The following CDC73 variants were observed in gnomAD, a reference collection of about 807,000 sequenced individuals.
The protein encoded by CDC73 is parafibromin.
CDC73 carries 21 observed loss-of-function variants against 83.7 expected under a neutral mutation model. The observed-to-expected ratio is 0.25, with a 90% CI of 0.18 to 0.36. CDC73 has a LOEUF of 0.36. Ranked by LOEUF, CDC73 falls within the 10% of genes least tolerant of loss-of-function variation. CDC73 has a pLI of 1.00. For missense variants in CDC73, 342 were observed against 653.3 expected (o/e 0.52, Z 5.19); for synonymous variants, 224 against 212.9 (o/e 1.05, Z -0.45).
chr1:193,181,744 G>A, intron 10 of CDC73: 1 of 555,158 alleles, frequency 1.8e-6, no homozygotes, highest in South Asian at 3.1e-5. Flanking sequence ...GTACTAATAT[G>A]ATCAGGGCAA....
At chr1:193,195,885 T>G (rs1489685114) in intron 10 of CDC73, among the ~76,000 whole-genome samples, 1 of 152,206 alleles carries the variant, frequency 6.6e-6, no homozygotes, top group Non-Finnish European at 1.5e-5. Flanking sequence ...GCAGGAGTTC[T>G]TTATATAGTC....
chr1:193,204,190 C>CAT (rs1159374744), intron 11 of CDC73, among the ~76,000 whole-genome samples: 28 of 123,328 alleles, frequency 2.3e-4, no homozygotes, highest in East Asian at 6.3e-4. Context: ...TATACACACA[C>CAT]ACACATATAT....
chr1:193,224,658 C>T (rs79610175), intron 13 of CDC73, among the ~76,000 whole-genome samples: 165 of 152,096 alleles, frequency 1.1e-3, no homozygotes, highest in Non-Finnish European at 2.0e-3. Flanking sequence ...TTCGCATATA[C>T]ACATATATGA....
intron 10 of CDC73, 60 bp downstream of exon 10, chr1:193,152,504 G>T (rs1676131815): frequency 9.4e-7 from 1 of 1,058,934 alleles, no homozygotes; most frequent in Admixed American, 1.7e-5. Flanking sequence ...AGTAGCACAT[G>T]TTGAAGTAAA....
intron 14 of CDC73, among the ~76,000 whole-genome samples, chr1:193,235,111 AC>A (rs1677734396): frequency 6.6e-6 from 1 of 152,030 alleles, no homozygotes; most frequent in South Asian, 2.1e-4. Flanking sequence ...CATTCCTAAG[AC>A]CCTTTCACAG....
chr1:193,243,168 C>G (rs1204383777), intron 15 of CDC73, among the ~76,000 whole-genome samples: 1 of 152,108 alleles, frequency 6.6e-6, no homozygotes, highest in Non-Finnish European at 1.5e-5. Context: ...TCTCAAACTC[C>G]TGACCTCAGG....
intron 1 of CDC73, among the ~76,000 whole-genome samples, chr1:193,124,464 G>A (rs1257138270): frequency 6.6e-6 from 1 of 152,138 alleles, no homozygotes; most frequent in Non-Finnish European, 1.5e-5. Flanking sequence ...ATATTCAGAT[G>A]GATTCAAAGA....
In CDC73 at chr1:193,185,464, C is replaced by T. The variant is rs944770410; in HGVS notation, c.973-18331C>T. Among the ~76,000 whole-genome samples the T allele has an allele frequency of 2.6e-5, 4 of 151,794 alleles. No individual in the cohort carries two copies. The East Asian group carries it at 7.7e-4, about 29-fold the overall frequency. Reference sequence around the variant, plus strand: ...GTAATATTTAAAATTTGTTGATACTCTCTTTGGTTGTGTTCATTATCTTCA... The same window carrying T: ...GTAATATTTAAAATTTGTTGATACTTTCTTTGGTTGTGTTCATTATCTTCA... On this transcript the variant is annotated intron_variant, in intron 10 of 16. Transcript: ENST00000367435.
intron 13 of CDC73, among the ~76,000 whole-genome samples, chr1:193,232,645 G>A (rs1677680424): frequency 6.6e-6 from 1 of 152,184 alleles, no homozygotes; most frequent in Non-Finnish European, 1.5e-5. Context: ...GCTCATGCCT[G>A]TAATCTCAGC....
chr1:193,140,804 T>A (rs1675894041), intron 6 of CDC73, among the ~76,000 whole-genome samples: 1 of 152,160 alleles, frequency 6.6e-6, no homozygotes, highest in African/African-American at 2.4e-5. Context: ...TTTCTGGAAT[T>A]TTCCATTTAA....
At chr1:193,178,729 C>T (rs139353908) in intron 10 of CDC73, among the ~76,000 whole-genome samples, 1,858 of 152,238 alleles carry the variant, frequency 0.012, 18 homozygotes, top group South Asian at 0.034. Flanking sequence ...TAGATCAGCT[C>T]TCAGAATCAC....
chr1:193,131,130 A>G lies in CDC73; in HGVS notation c.307+887A>G, dbSNP rs1017064742. On this transcript the variant is annotated intron_variant, in intron 3 of 16. Coordinates refer to ENST00000367435, the MANE Select transcript of CDC73 (RefSeq NM_024529.5). Reference sequence around the variant, plus strand: ...CACCAGATTTATAAATTTACTGTCAACATGTTTCCTTGAATGTTGAATAGG... The same window carrying G: ...CACCAGATTTATAAATTTACTGTCAGCATGTTTCCTTGAATGTTGAATAGG... Among the ~76,000 whole-genome samples the G allele has an allele frequency of 2.6e-5, 4 of 152,304 alleles. No homozygotes were observed. In the East Asian group the frequency reaches 5.8e-4, roughly 22 times the overall value.
chr1:193,182,652 G>A (rs1452045561), intron 10 of CDC73, among the ~76,000 whole-genome samples: 1 of 152,158 alleles, frequency 6.6e-6, no homozygotes, highest in Non-Finnish European at 1.5e-5. Flanking sequence ...AAGGTTATGA[G>A]ATGGCAATAT....
chr1:193,201,536 G>A (rs1558308916), intron 10 of CDC73, among the ~76,000 whole-genome samples: 1 of 152,100 alleles, frequency 6.6e-6, no homozygotes, highest in Admixed American at 6.6e-5. Flanking sequence ...AAGGACTTTT[G>A]ATTGATGTAG....
intron 15 of CDC73, among the ~76,000 whole-genome samples, chr1:193,246,932 T>G (rs1365103836): frequency 6.6e-6 from 1 of 152,186 alleles, no homozygotes; most frequent in African/African-American, 2.4e-5. Context: ...ATTTTCTCTT[T>G]CAGCATGATC....
In CDC73 at chr1:193,141,842, G is replaced by T. The variant is rs757366134; in HGVS notation, c.513-8G>T. The T allele has an allele frequency of 1.9e-6, 3 of 1,593,400 alleles. No homozygotes were observed. The highest frequency in any genetic ancestry group is 1.7e-4 in the Middle Eastern group (1 of 6,006). ...GCTGTGAAAATTTAAAAAAGAAATTGCTTTTAGGTCTTTGTCTGAAGCTAT... is the reference window on the plus strand; with the variant it reads ...GCTGTGAAAATTTAAAAAAGAAATTTCTTTTAGGTCTTTGTCTGAAGCTAT... On this transcript the variant is annotated splice_polypyrimidine_tract_variant and splice_region_variant and intron_variant, in intron 6 of 16. Transcript: ENST00000367435.
intron 10 of CDC73, chr1:193,179,693 G>T (rs1558300501): frequency 6.6e-6 from 1 of 152,402 alleles, no homozygotes. Context: ...ATTAATAAAA[G>T]AAATTTAAAA....
intron 9 of CDC73, among the ~76,000 whole-genome samples, chr1:193,151,246 A>C (rs1236432470): frequency 6.6e-6 from 1 of 152,170 alleles, no homozygotes; most frequent in Non-Finnish European, 1.5e-5. Context: ...GTTTTTTTTA[A>C]ATGATATGTT....
chr1:193,213,740 T>G (rs1677315673), intron 13 of CDC73, among the ~76,000 whole-genome samples: 1 of 152,230 alleles, frequency 6.6e-6, no homozygotes, highest in Admixed American at 6.5e-5. Flanking sequence ...TGCTCACTAA[T>G]CTTAATATGG....
Sources: allele counts gnomAD v4.1 joint callset (sites outside exome capture counted in the v4.1 genomes callset), GRCh38; gene constraint gnomAD v4.1.1; transcripts MANE v1.5; gene names NCBI Gene and HGNC (gene_info 2026-07-23, HGNC 2026-07-21).